LINGO2: variants seen among roughly 807,000 people sequenced by gnomAD.
LINGO2 encodes leucine-rich repeat and immunoglobulin-like domain-containing nogo receptor-interacting protein 2.
Under a neutral mutation model 30.6 loss-of-function variants are expected in LINGO2, and 14 were observed. The ratio of observed to expected loss-of-function variants is 0.46; its 90% CI spans 0.30 to 0.72. The LOEUF (loss-of-function observed/expected upper bound fraction) is 0.72. Ranked by LOEUF, LINGO2 falls within the 30% of genes least tolerant of loss-of-function variation. The probability of loss-of-function intolerance (pLI) is 0.07; values close to 1 mark genes in which losing one functional copy is unlikely to be tolerated. For synonymous variants in LINGO2, 317 were observed against 288.5 expected (o/e 1.10, Z -1.00); for missense variants, 729 against 751.7 (o/e 0.97, Z 0.35).
At chr9:28,839,676 G>A in the LINGO2 span, among the ~76,000 whole-genome samples, 1 of 152,084 alleles carries the variant, frequency 6.6e-6, no homozygotes, top group Non-Finnish European at 1.5e-5. Context: ...AGTGTGTGCT[G>A]ATTGGCCCAT....
At chr9:28,376,049 T>C (rs1821116789) in intron 2 of LINGO2, among the ~76,000 whole-genome samples, 1 of 151,858 alleles carries the variant, frequency 6.6e-6, no homozygotes, top group Non-Finnish European at 1.5e-5. Flanking sequence ...ATATCTGGCA[T>C]GCAGGTGATA....
chr9:29,155,646 C>T, the LINGO2 span, among the ~76,000 whole-genome samples: 1 of 150,318 alleles, frequency 6.7e-6, no homozygotes, highest in Non-Finnish European at 1.5e-5. Context: ...CATTTAATTA[C>T]TATTTTATTG....
intron 1 of LINGO2, among the ~76,000 whole-genome samples, chr9:28,580,504 G>A (rs1463380831): frequency 6.6e-6 from 1 of 151,918 alleles, no homozygotes; most frequent in African/African-American, 2.4e-5. Context: ...GATCTCTATG[G>A]AAGGATCATG....
chr9:28,865,947 G>A, the LINGO2 span, among the ~76,000 whole-genome samples: 8 of 152,090 alleles, frequency 5.3e-5, no homozygotes, highest in East Asian at 5.8e-4. Context: ...TATACCTCTT[G>A]TTGCTATTCT....
the LINGO2 span, among the ~76,000 whole-genome samples, chr9:29,067,049 A>T: frequency 1.3e-5 from 2 of 152,024 alleles, no homozygotes; most frequent in Non-Finnish European, 2.9e-5. Flanking sequence ...GAATAAGGTT[A>T]ACTATATTCT....
chr9:28,496,065 G>C (rs916354404), intron 1 of LINGO2, among the ~76,000 whole-genome samples: 3 of 151,416 alleles, frequency 2.0e-5, no homozygotes, highest in Admixed American at 6.6e-5. Context: ...TTGCTGAGGA[G>C]TGCTTTACTT....
At chr9:28,120,061 G>T (rs1285482170) in intron 4 of LINGO2, among the ~76,000 whole-genome samples, 1 of 152,092 alleles carries the variant, frequency 6.6e-6, no homozygotes, top group Non-Finnish European at 1.5e-5. Flanking sequence ...AATTGGGAAC[G>T]GCTCTTTAAA....
At chr9:29,021,051 A>G in the LINGO2 span, among the ~76,000 whole-genome samples, 1 of 152,310 alleles carries the variant, frequency 6.6e-6, no homozygotes, top group South Asian at 2.1e-4. Flanking sequence ...AGCTATGTAC[A>G]TTGAAGGAGA....
the LINGO2 span, among the ~76,000 whole-genome samples, chr9:28,781,455 T>C: frequency 6.6e-6 from 1 of 152,160 alleles, no homozygotes; most frequent in African/African-American, 2.4e-5. Flanking sequence ...ATTTTAAAGC[T>C]CCTTATTCAA....
At chr9:29,006,235 T>C in the LINGO2 span, among the ~76,000 whole-genome samples, 1 of 151,994 alleles carries the variant, frequency 6.6e-6, no homozygotes, top group Non-Finnish European at 1.5e-5. Context: ...TATTTAGTAT[T>C]CAAACAAACG....
chr9:28,797,357 T>TAGAGAGAGAGAGAGAG, the LINGO2 span, among the ~76,000 whole-genome samples: 311 of 55,146 alleles, frequency 5.6e-3, 1 homozygote, highest in East Asian at 8.1e-3. Flanking sequence ...TATATATATA[T>TAGAGAGAGAGAGAGAG]ATAGAGAGAG....
At chr9:28,738,294 C>T in the LINGO2 span, among the ~76,000 whole-genome samples, 2 of 152,058 alleles carry the variant, frequency 1.3e-5, no homozygotes, top group East Asian at 1.9e-4. Flanking sequence ...TCTTTCTTCT[C>T]CACTTTTCTC....
intron 1 of LINGO2, among the ~76,000 whole-genome samples, chr9:28,575,814 C>G (rs984564378): frequency 1.3e-5 from 2 of 151,910 alleles, no homozygotes; most frequent in Non-Finnish European, 2.9e-5. Context: ...ATGGAACATC[C>G]CAGGTCTCCT....
At chr9:28,094,528 T>TGTGAGA (rs1167214113) in intron 4 of LINGO2, among the ~76,000 whole-genome samples, 1 of 150,312 alleles carries the variant, frequency 6.7e-6, no homozygotes, top group Non-Finnish European at 1.5e-5. Context: ...TGTGTGTGTG[T>TGTGAGA]GAGAGAGAGA....
At chr9:28,841,907 T>C in the LINGO2 span, among the ~76,000 whole-genome samples, 1 of 151,784 alleles carries the variant, frequency 6.6e-6, no homozygotes, top group Non-Finnish European at 1.5e-5. Context: ...AAAAACCGCC[T>C]TCCTCATTTA....
the LINGO2 span, among the ~76,000 whole-genome samples, chr9:28,931,588 T>A: frequency 1.3e-5 from 2 of 152,190 alleles, no homozygotes; most frequent in African/African-American, 4.8e-5. Flanking sequence ...AATTACCACA[T>A]ATTTCATGTG....
the LINGO2 span, among the ~76,000 whole-genome samples, chr9:28,872,314 C>T: frequency 6.6e-6 from 1 of 150,712 alleles, no homozygotes; most frequent in Non-Finnish European, 1.5e-5. Context: ...AAATGATTTC[C>T]TTTTTTTTTG....
chr9:28,299,646 T>G (rs186054870), intron 3 of LINGO2, among the ~76,000 whole-genome samples: 112 of 152,232 alleles, frequency 7.4e-4, no homozygotes, highest in Non-Finnish European at 1.2e-3. Flanking sequence ...AAAATAAGAA[T>G]CAGAAAGTTT....
intron 2 of LINGO2, among the ~76,000 whole-genome samples, chr9:28,431,982 T>G (rs1353129380): frequency 1.3e-5 from 2 of 152,070 alleles, no homozygotes; most frequent in African/African-American, 2.4e-5. Context: ...TCAATATGAT[T>G]GATATATAGT....
Sources: allele counts gnomAD v4.1 joint callset (sites outside exome capture counted in the v4.1 genomes callset), GRCh38; gene constraint gnomAD v4.1.1; transcripts MANE v1.5; gene names NCBI Gene and HGNC (gene_info 2026-07-23, HGNC 2026-07-21).